Variants in FRS2 observed in about 807,000 individuals in gnomAD.
FRS2 encodes the protein FGFR signalling adaptor.
A neutral mutation model predicts 43.9 loss-of-function variants in FRS2; 8 were observed. The ratio of observed to expected loss-of-function variants is 0.18; its 90% CI spans 0.11 to 0.33. FRS2 has a LOEUF of 0.33. FRS2 is among the 10% of genes least tolerant of loss of function. The pLI is 1.00. For missense variants in FRS2, 534 were observed against 627.6 expected (o/e 0.85, Z 1.59); for synonymous variants, 219 against 220.3 (o/e 0.99, Z 0.05).
chr12:69,529,616 G>A (rs544637070), intron 1 of FRS2, among the ~76,000 whole-genome samples: 2 of 115,096 alleles, frequency 1.7e-5, no homozygotes, highest in Admixed American at 1.8e-4. Context: ...GTGAGACCCT[G>A]TCTCAAAAAT....
intron 1 of FRS2, among the ~76,000 whole-genome samples, chr12:69,471,710 A>G (rs1168876484): frequency 1.3e-5 from 2 of 152,238 alleles, no homozygotes; most frequent in Admixed American, 6.5e-5. Flanking sequence ...AACTTTTTAT[A>G]AGGGAATGCA....
intron 3 of FRS2, among the ~76,000 whole-genome samples, chr12:69,553,318 G>A (rs985770980): frequency 6.6e-6 from 1 of 152,148 alleles, no homozygotes; most frequent in Admixed American, 6.5e-5. Flanking sequence ...TGATCCGCCT[G>A]CCTCAGCCTC....
Position 69,574,982 on chromosome 12 carries a change from C to T in FRS2, c.*27C>T, listed in dbSNP as rs367960368. ...CCTGGAAAGCATTGTGTTGTTTGCA[C>T]CTTTGTGAAGTTTTTAAAAATGAAG... On this transcript the variant is annotated 3_prime_UTR_variant, in exon 9 of 9. Transcript: ENST00000549921. 6.9e-6 allele frequency: 10 copies of T among 1,445,430 alleles called. No individual in the cohort carries two copies. Among genetic ancestry groups the T allele is most frequent in the Admixed American group, 3.6e-5 (2 of 55,034 alleles). The allele number at this position is 1,445,430 out of a possible 1,614,324, so 89.5% of individuals were successfully genotyped here.
intron 1 of FRS2, among the ~76,000 whole-genome samples, chr12:69,481,531 C>T (rs1184317641): frequency 1.3e-5 from 2 of 152,060 alleles, no homozygotes; most frequent in Non-Finnish European, 2.9e-5. Context: ...CTCAAGCTAT[C>T]CTGTCTCGGC....
intron 1 of FRS2, among the ~76,000 whole-genome samples, chr12:69,516,309 C>T (rs1250008330): frequency 6.6e-6 from 1 of 151,840 alleles, no homozygotes. Flanking sequence ...ACCTCCGCCT[C>T]CCTGGTTCAA....
In FRS2 at chr12:69,578,814, T is replaced by G. The variant is rs923951279; in HGVS notation, c.*3859T>G. 6.6e-6 allele frequency: 1 copy of G among 152,646 alleles called. No homozygotes were observed. The highest frequency in any genetic ancestry group is 2.4e-5 in the African/African-American group (1 of 41,444). The allele number at this position is 152,646 out of a possible 1,614,324, so 9.5% of individuals were successfully genotyped here. On this transcript the variant is annotated 3_prime_UTR_variant, in exon 9 of 9. Transcript: ENST00000549921. Reference sequence around the variant, plus strand: ...AAAGGTAGCTTATTAGATTTTTAATTTTTTCTTTTATAAAAAATTGTCCAA... The same window carrying G: ...AAAGGTAGCTTATTAGATTTTTAATGTTTTCTTTTATAAAAAATTGTCCAA...
intron 3 of FRS2, among the ~76,000 whole-genome samples, chr12:69,559,534 G>C (rs997703748): frequency 6.6e-6 from 1 of 151,998 alleles, no homozygotes; most frequent in African/African-American, 2.4e-5. Flanking sequence ...AAATAGTCAC[G>C]TACCTTTGTA....
chr12:69,533,200 A>G (rs2135671497), intron 3 of FRS2, among the ~76,000 whole-genome samples: 1 of 152,226 alleles, frequency 6.6e-6, no homozygotes, highest in East Asian at 1.9e-4. Context: ...AGTTTAAAAA[A>G]CACACATATA....
At chr12:69,502,165 C>G (rs1218991805) in intron 1 of FRS2, among the ~76,000 whole-genome samples, 1 of 152,088 alleles carries the variant, frequency 6.6e-6, no homozygotes, top group Middle Eastern at 3.4e-3. Context: ...GGGGTTTTAC[C>G]GTGTTGGCCA....
intron 1 of FRS2, among the ~76,000 whole-genome samples, chr12:69,513,328 C>CAT (rs1482811015): frequency 9.7e-4 from 146 of 151,294 alleles, no homozygotes; most frequent in African/African-American, 3.2e-3. Flanking sequence ...TGATTTTGTT[C>CAT]ATATATATAT....
chr12:69,520,246 A>AT (rs1875493414), intron 1 of FRS2, among the ~76,000 whole-genome samples: 2 of 151,920 alleles, frequency 1.3e-5, no homozygotes, highest in Non-Finnish European at 2.9e-5. Context: ...CCCACTTTTT[A>AT]ATGGGGTTGC....
chr12:69,561,115 G>A (rs566909210), intron 3 of FRS2, among the ~76,000 whole-genome samples: 1 of 152,270 alleles, frequency 6.6e-6, no homozygotes, highest in East Asian at 1.9e-4. Context: ...GGTAGAATTA[G>A]TTCAGCCCTG....
At chr12:69,570,764 C>G (rs1469911265) in intron 6 of FRS2, among the ~76,000 whole-genome samples, 1 of 152,146 alleles carries the variant, frequency 6.6e-6, no homozygotes, top group East Asian at 1.9e-4. Context: ...GCTAAATTGA[C>G]TAAGTGTCTT....
intron 1 of FRS2, among the ~76,000 whole-genome samples, chr12:69,517,233 TA>T (rs1422596386): frequency 6.6e-6 from 1 of 152,248 alleles, no homozygotes; most frequent in Non-Finnish European, 1.5e-5. Context: ...TGGTTCAATG[TA>T]TATACAAACT....
intron 1 of FRS2, among the ~76,000 whole-genome samples, chr12:69,526,906 G>A (rs754238072): frequency 2.0e-5 from 3 of 152,048 alleles, no homozygotes; most frequent in Non-Finnish European, 4.4e-5. Context: ...TGTATTTTTA[G>A]TAGAGACAGG....
intron 1 of FRS2, among the ~76,000 whole-genome samples, chr12:69,501,407 A>G (rs1043868235): frequency 6.6e-6 from 1 of 152,192 alleles, no homozygotes; most frequent in Non-Finnish European, 1.5e-5. Flanking sequence ...TCATTTTGGC[A>G]TGTACCATGT....
At chr12:69,561,403 G>T (rs968419737) in intron 3 of FRS2, among the ~76,000 whole-genome samples, 2 of 152,162 alleles carry the variant, frequency 1.3e-5, no homozygotes, top group African/African-American at 4.8e-5. Context: ...ATATTCTCTA[G>T]TTAATATGTA....
intron 3 of FRS2, among the ~76,000 whole-genome samples, chr12:69,538,197 T>TATATATATATATATATATA (rs1555189565): frequency 3.0e-3 from 247 of 81,484 alleles, no homozygotes; most frequent in Non-Finnish European, 3.8e-3. Context: ...AAAACAAATT[T>TATATATATATATATATATA]TATATATATA....
intron 1 of FRS2, among the ~76,000 whole-genome samples, chr12:69,516,075 T>C (rs1008385577): frequency 1.3e-5 from 2 of 152,100 alleles, no homozygotes; most frequent in Non-Finnish European, 2.9e-5. Flanking sequence ...ATTATTACTT[T>C]AGTACAAGTC....
Sources: allele counts gnomAD v4.1 joint callset (sites outside exome capture counted in the v4.1 genomes callset), GRCh38; gene constraint gnomAD v4.1.1; transcripts MANE v1.5; gene names NCBI Gene and HGNC (gene_info 2026-07-23, HGNC 2026-07-21).